The following PDZRN4 variants were observed in gnomAD, a reference collection of about 807,000 sequenced individuals.
PDZRN4 encodes the protein PDZ domain containing ring finger 4.
PDZRN4 carries 70 observed loss-of-function variants against 99.0 expected under a neutral mutation model. The ratio of observed to expected loss-of-function variants is 0.71; its 90% CI spans 0.58 to 0.86. The LOEUF is 0.86. Ranked by LOEUF, PDZRN4 falls within the 40% of genes least tolerant of loss-of-function variation. PDZRN4 has a pLI of 0.00. For missense variants in PDZRN4, 1,474 were observed against 1,331.2 expected, an observed-to-expected ratio of 1.11 and a Z score of -1.67; for synonymous variants, 551 against 501.6, an observed-to-expected ratio of 1.10 and a Z score of -1.32.
At chr12:41,346,778 CCTTCCTAAAGAAACCCCATACTAT>C (rs1428396630) in intron 3 of PDZRN4, among the ~76,000 whole-genome samples, 11 of 151,980 alleles carry the variant, frequency 7.2e-5, no homozygotes, top group Non-Finnish European at 1.6e-4. Flanking sequence ...ACATTTTTGT[CCTTCCTAAAGAAACCCCATACTAT>C]TAGCTGTCAT....
rs866840922 is a variant in PDZRN4, at chr12:41,561,547, G to T, written c.1366-2001G>T. On this transcript the variant is annotated intron_variant, in intron 7 of 9. Transcript: ENST00000402685. ...GATTAATGGTAAGTGCAATTTAGAT[G>T]AAGAATGAGGAAATATATATTTTTT... 1.4e-4 allele frequency among the ~76,000 whole-genome samples: 20 copies of T among 146,038 alleles called. No homozygotes were observed. The South Asian group carries it at 4.2e-3, about 31-fold the overall frequency.
At chr12:41,291,910 C>G (rs1344984907) in intron 3 of PDZRN4, among the ~76,000 whole-genome samples, 1 of 152,078 alleles carries the variant, frequency 6.6e-6, no homozygotes, top group South Asian at 2.1e-4. Flanking sequence ...CTAGGAGTCT[C>G]AGCACAGGAA....
intron 3 of PDZRN4, among the ~76,000 whole-genome samples, chr12:41,214,910 A>G (rs1453096318): frequency 6.6e-6 from 1 of 152,106 alleles, no homozygotes; most frequent in East Asian, 1.9e-4. Context: ...AGCATTAAAT[A>G]ATGTTCAAAG....
intron 3 of PDZRN4, among the ~76,000 whole-genome samples, chr12:41,393,645 T>C (rs1436968952): frequency 2.0e-5 from 3 of 152,210 alleles, no homozygotes. Flanking sequence ...ACAACTATTT[T>C]ATTATGTCTC....
At chr12:41,376,067 C>G (rs1015500751) in intron 3 of PDZRN4, among the ~76,000 whole-genome samples, 6 of 152,100 alleles carry the variant, frequency 3.9e-5, no homozygotes, top group South Asian at 4.1e-4. Context: ...TCACAAATAG[C>G]AGGATTTCCT....
intron 3 of PDZRN4, among the ~76,000 whole-genome samples, chr12:41,326,372 T>C (rs1468151157): frequency 6.6e-6 from 1 of 152,198 alleles, no homozygotes; most frequent in Admixed American, 6.5e-5. Flanking sequence ...TGGTGGACTT[T>C]GATTGTTTCT....
Position 41,413,097 on chromosome 12 carries a change from AG to A in PDZRN4, c.844-93358del, listed in dbSNP as rs898691596. 7.8e-4 allele frequency: 119 copies of A among 152,228 alleles called. 1 individual carries two copies. The highest frequency in any genetic ancestry group is 2.7e-3 in the African/African-American group (114 of 41,476). 9.4% of individuals were successfully genotyped at this position (152,228 alleles called of 1,614,324 possible). A position where few individuals can be genotyped will look rare whatever the true frequency, so the allele number is the denominator to read the frequency against. ...AGAGTGAGACTCCATCTGAAAAAAAAGAAAAGAATAGTCATAGCTAGATGTC... is the reference window on the plus strand; with the variant it reads ...AGAGTGAGACTCCATCTGAAAAAAAAAAAAGAATAGTCATAGCTAGATGTC... On this transcript the variant is annotated intron_variant, in intron 3 of 9. Transcript: ENST00000402685.
intron 3 of PDZRN4, among the ~76,000 whole-genome samples, chr12:41,493,901 T>TGGG (rs149736537): frequency 7.2e-6 from 1 of 138,370 alleles, no homozygotes; most frequent in African/African-American, 2.6e-5. Context: ...AAAAAAATAA[T>TGGG]GGGGGGGGGG....
intron 3 of PDZRN4, among the ~76,000 whole-genome samples, chr12:41,247,619 T>C (rs1010395135): frequency 2.6e-5 from 4 of 152,208 alleles, no homozygotes; most frequent in African/African-American, 9.6e-5. Flanking sequence ...ACAATAAATC[T>C]CTAACATAGT....
intron 3 of PDZRN4, among the ~76,000 whole-genome samples, chr12:41,346,037 TTGAAA>T (rs1951851528): frequency 6.6e-6 from 1 of 152,158 alleles, no homozygotes; most frequent in Non-Finnish European, 1.5e-5. Context: ...TCATTTAATC[TTGAAA>T]TGATCAATTT....
intron 3 of PDZRN4, among the ~76,000 whole-genome samples, chr12:41,318,907 G>A (rs1951656557): frequency 6.6e-6 from 1 of 152,052 alleles, no homozygotes; most frequent in Admixed American, 6.6e-5. Flanking sequence ...TTGGAAAGTG[G>A]CCTGTCACAA....
intron 5 of PDZRN4, among the ~76,000 whole-genome samples, chr12:41,532,330 A>G (rs983459282): frequency 6.6e-6 from 1 of 152,166 alleles, no homozygotes; most frequent in African/African-American, 2.4e-5. Context: ...ATATCTTTAT[A>G]AGAAGTCTTG....
At chr12:41,473,691 A>C (rs1953014702) in intron 3 of PDZRN4, among the ~76,000 whole-genome samples, 1 of 152,106 alleles carries the variant, frequency 6.6e-6, no homozygotes, top group Admixed American at 6.5e-5. Context: ...CTGCTTACTA[A>C]GCACCTGTCT....
At chr12:41,301,105 G>A (rs1951532455) in intron 3 of PDZRN4, among the ~76,000 whole-genome samples, 1 of 151,974 alleles carries the variant, frequency 6.6e-6, no homozygotes, top group Admixed American at 6.6e-5. Flanking sequence ...TTAGCTTATA[G>A]ATGATTGCTG....
At chr12:41,546,606 T>G (rs1938957521) in intron 5 of PDZRN4, among the ~76,000 whole-genome samples, 1 of 152,202 alleles carries the variant, frequency 6.6e-6, no homozygotes, top group Non-Finnish European at 1.5e-5. Context: ...TTCAGTTTCC[T>G]ATAATGCACA....
rs1951282009 is a variant in PDZRN4, at chr12:41,267,022, T to C, written c.843+72834T>C. Among the ~76,000 whole-genome samples, 4 of 152,202 alleles carry C rather than the reference T, an allele frequency of 2.6e-5. No individual in the cohort carries two copies. The South Asian group carries it at 8.3e-4, about 31-fold the overall frequency. ...CCCACCATCTCAGTGCATCAAAGCATTCTTTGCTCATGAAACTCTGCTCAT... is the reference window on the plus strand; with the variant it reads ...CCCACCATCTCAGTGCATCAAAGCACTCTTTGCTCATGAAACTCTGCTCAT... On this transcript the variant is annotated intron_variant, in intron 3 of 9. Coordinates refer to ENST00000402685, the MANE Select transcript of PDZRN4 (RefSeq NM_001164595.2).
At chr12:41,255,754 G>A (rs982057116) in intron 3 of PDZRN4, among the ~76,000 whole-genome samples, 4 of 152,154 alleles carry the variant, frequency 2.6e-5, no homozygotes, top group Admixed American at 2.0e-4. Context: ...GAGGCCTCAG[G>A]AAGCTTTTAC....
At position 41,573,972 on chromosome 12, in the gene PDZRN4, C is replaced by A. The variant is rs1477940883; in HGVS notation, c.*82C>A. On this transcript the variant is annotated 3_prime_UTR_variant, in exon 10 of 10. Coordinates refer to ENST00000402685, the MANE Select transcript of PDZRN4 (RefSeq NM_001164595.2). Reference sequence around the variant, plus strand: ...AGTATGATTGCCTCGTTCAATGTGGCGTTTTTATATATATTTTGTGACTCT... The same window carrying A: ...AGTATGATTGCCTCGTTCAATGTGGAGTTTTTATATATATTTTGTGACTCT... 3 of 941,128 alleles carry A rather than the reference C, an allele frequency of 3.2e-6. No individual in the cohort carries two copies. Among genetic ancestry groups the A allele is most frequent in the Non-Finnish European group, 4.6e-6 (3 of 651,934 alleles). 58.3% of individuals were successfully genotyped at this position (941,128 alleles called of 1,614,324 possible).
At chr12:41,562,179 G>A (rs1939281421) in intron 7 of PDZRN4, among the ~76,000 whole-genome samples, 1 of 152,132 alleles carries the variant, frequency 6.6e-6, no homozygotes, top group Admixed American at 6.6e-5. Context: ...AGTGATTGGA[G>A]TAAGAAAATA....
Sources: allele counts gnomAD v4.1 joint callset (sites outside exome capture counted in the v4.1 genomes callset), GRCh38; gene constraint gnomAD v4.1.1; transcripts MANE v1.5; gene names NCBI Gene and HGNC (gene_info 2026-07-23, HGNC 2026-07-21).